The following ARHGAP32 variants were observed in gnomAD, a reference collection of about 807,000 sequenced individuals.
The protein encoded by ARHGAP32 is rho GTPase-activating protein 32.
Under a neutral mutation model 186.5 loss-of-function variants are expected in ARHGAP32, and 51 were observed. That is an observed-to-expected ratio of 0.27 (90% CI 0.22 to 0.35). The LOEUF (loss-of-function observed/expected upper bound fraction) is 0.35, where lower values mean the gene tolerates loss of function less well. Among genes scored for constraint, ARHGAP32 ranks in the 10% least tolerant of loss-of-function variants. The probability of loss-of-function intolerance (pLI) is 1.00; values close to 1 mark genes in which losing one functional copy is unlikely to be tolerated. For synonymous variants in ARHGAP32, 950 were observed against 964.3 expected, an observed-to-expected ratio of 0.99 and a Z score of 0.27; for missense variants, 2,186 against 2,623.5, an observed-to-expected ratio of 0.83 and a Z score of 3.64.
intron 11 of ARHGAP32, among the ~76,000 whole-genome samples, chr11:129,027,878 G>GT (rs1219451911): frequency 3.3e-5 from 5 of 152,166 alleles, no homozygotes; most frequent in African/African-American, 1.2e-4. Flanking sequence ...TGTGTTCACT[G>GT]TTTTAGCCAT....
intron 12 of ARHGAP32, among the ~76,000 whole-genome samples, chr11:128,996,584 T>G (rs1946205569): frequency 6.6e-6 from 1 of 152,178 alleles, no homozygotes; most frequent in South Asian, 2.1e-4. Context: ...ATATTCAGTA[T>G]GATGAAGTGT....
intron 1 of ARHGAP32, among the ~76,000 whole-genome samples, chr11:129,262,227 T>A (rs141906490): frequency 1.3e-5 from 2 of 152,170 alleles, no homozygotes; most frequent in Admixed American, 1.3e-4. Flanking sequence ...GTCTCTCATG[T>A]TTTTTTAATT....
chr11:129,051,122 T>C (rs1392757754), intron 10 of ARHGAP32, among the ~76,000 whole-genome samples: 1 of 152,238 alleles, frequency 6.6e-6, no homozygotes, highest in Non-Finnish European at 1.5e-5. Context: ...TGTGTCTTTA[T>C]AGTAGAATAA....
intron 10 of ARHGAP32, among the ~76,000 whole-genome samples, chr11:129,059,742 C>A (rs540387774): frequency 6.6e-6 from 1 of 152,172 alleles, no homozygotes; most frequent in Admixed American, 6.5e-5. Context: ...TCATGATCCA[C>A]CCACCTCGGC....
intron 1 of ARHGAP32, among the ~76,000 whole-genome samples, chr11:129,180,143 CAACAA>C (rs1408601733): frequency 2.0e-5 from 3 of 151,792 alleles, no homozygotes; most frequent in African/African-American, 7.3e-5. Flanking sequence ...AAAAATAAAT[CAACAA>C]TACTAGTTTT....
chr11:129,131,768 G>C (rs765724995), intron 2 of ARHGAP32, among the ~76,000 whole-genome samples: 1 of 152,122 alleles, frequency 6.6e-6, no homozygotes, highest in Non-Finnish European at 1.5e-5. Flanking sequence ...GGGTACTTAA[G>C]AGCCTGAGTG....
intron 1 of ARHGAP32, among the ~76,000 whole-genome samples, chr11:129,269,132 C>T (rs976361861): frequency 6.6e-6 from 1 of 151,914 alleles, no homozygotes; most frequent in Non-Finnish European, 1.5e-5. Flanking sequence ...ATTAGCCAGA[C>T]GTGGTGGTGC....
intron 5 of ARHGAP32, among the ~76,000 whole-genome samples, chr11:129,097,874 T>C (rs1016038686): frequency 6.6e-6 from 1 of 151,908 alleles, no homozygotes; most frequent in Non-Finnish European, 1.5e-5. Flanking sequence ...CACCCGATAA[T>C]CAAATGTTCA....
chr11:129,236,201 T>C (rs1199480673), intron 1 of ARHGAP32, among the ~76,000 whole-genome samples: 1 of 152,172 alleles, frequency 6.6e-6, no homozygotes, highest in Non-Finnish European at 1.5e-5. Flanking sequence ...TGTAAAACTG[T>C]TCCCTTTTCA....
At chr11:129,030,360 A>G (rs1182018985) in intron 11 of ARHGAP32, 1 of 152,226 alleles carries the variant, frequency 6.6e-6, no homozygotes, top group Non-Finnish European at 1.5e-5. Context: ...AAAATTTAGA[A>G]CAAAACAACT....
intron 1 of ARHGAP32, among the ~76,000 whole-genome samples, chr11:129,225,254 T>G (rs897960957): frequency 2.6e-5 from 4 of 152,184 alleles, no homozygotes; most frequent in African/African-American, 9.6e-5. Context: ...TTGAAAAGTT[T>G]AGACATATTC....
intron 5 of ARHGAP32, among the ~76,000 whole-genome samples, chr11:129,101,009 A>G (rs917570312): frequency 6.6e-6 from 1 of 152,212 alleles, no homozygotes; most frequent in Non-Finnish European, 1.5e-5. Context: ...AGTGACCAGC[A>G]GTCCAGGAGC....
chr11:129,146,635 G>C (rs1293205312), intron 2 of ARHGAP32, among the ~76,000 whole-genome samples: 3 of 152,004 alleles, frequency 2.0e-5, no homozygotes, highest in Non-Finnish European at 4.4e-5. Flanking sequence ...TCTAGTTACA[G>C]ATTTATGAAG....
intron 12 of ARHGAP32, among the ~76,000 whole-genome samples, chr11:128,990,393 C>A (rs1045447093): frequency 2.0e-5 from 3 of 152,160 alleles, no homozygotes; most frequent in East Asian, 3.8e-4. Flanking sequence ...CTCAGGAACA[C>A]CGTCCTGACA....
intron 2 of ARHGAP32, among the ~76,000 whole-genome samples, chr11:129,136,118 T>G (rs1446386848): frequency 6.6e-6 from 1 of 151,890 alleles, no homozygotes; most frequent in Non-Finnish European, 1.5e-5. Flanking sequence ...CTTCTAAACA[T>G]TAACCTAAAA....
intron 22 of ARHGAP32, chr11:128,971,392 G>C: frequency 2.1e-6 from 1 of 476,534 alleles, no homozygotes; most frequent in Non-Finnish European, 3.7e-6. Context: ...TAATTTATGA[G>C]AGGTTTTAAA....
intron 1 of ARHGAP32, among the ~76,000 whole-genome samples, chr11:129,255,042 T>C (rs1945235804): frequency 6.6e-6 from 1 of 152,088 alleles, no homozygotes; most frequent in Non-Finnish European, 1.5e-5. Context: ...AAAATAAATA[T>C]TAACTCCACC....
rs1375500776 is a variant in ARHGAP32 at position 128,968,802 on chromosome 11, G to A, written c.*105C>T. 4 of 925,712 alleles carry A rather than the reference G, an allele frequency of 4.3e-6. No homozygotes were observed. Among genetic ancestry groups the A allele is most frequent in the African/African-American group, 3.4e-5 (2 of 58,802 alleles). 57.3% of individuals were successfully genotyped at this position (925,712 alleles called of 1,614,324 possible). On this transcript the variant is annotated 3_prime_UTR_variant, in exon 23 of 23. Transcript: ENST00000682385. ...CTTTTATTATCATTTTTTAAATGTG[G>A]TCAGGGGTTTTATAGTATTTTTTGT...
At chr11:129,143,364 T>A (rs1160215148) in intron 2 of ARHGAP32, among the ~76,000 whole-genome samples, 5 of 152,098 alleles carry the variant, frequency 3.3e-5, no homozygotes, top group Admixed American at 3.3e-4. Context: ...CAAAAAATAC[T>A]AAATGGAAAA....
Sources: allele counts gnomAD v4.1 joint callset (sites outside exome capture counted in the v4.1 genomes callset), GRCh38; gene constraint gnomAD v4.1.1; transcripts MANE v1.5; gene names NCBI Gene and HGNC (gene_info 2026-07-23, HGNC 2026-07-21).